The following CIITA variants were observed in gnomAD, a reference collection of about 807,000 sequenced individuals.
The protein encoded by CIITA is MHC class II transactivator.
A neutral mutation model predicts 115.1 loss-of-function variants in CIITA; 72 were observed. The observed-to-expected ratio is 0.63, with a 90% confidence interval of 0.52 to 0.76. CIITA has a LOEUF of 0.76. Ranked by LOEUF, CIITA falls within the 30% of genes least tolerant of loss-of-function variation. The probability of loss-of-function intolerance (pLI) is 0.00; values close to 1 mark genes in which losing one functional copy is unlikely to be tolerated. For missense variants in CIITA, 1,617 were observed against 1,463.8 expected (o/e 1.10, Z -1.71); for synonymous variants, 763 against 635.6 (o/e 1.20, Z -3.02).
chr16:10,918,515 G>C lies in CIITA; in HGVS notation c.3138G>C (p.Leu1046=). 1.2e-6 allele frequency: 2 copies of C among 1,614,080 alleles called. No individual in the cohort carries two copies. Among genetic ancestry groups the C allele is most frequent in the South Asian group, 2.2e-5 (2 of 91,086 alleles). Residue 1046 remains leucine, a synonymous_variant, in exon 16 of 20, where the codon CTG becomes CTC. Transcript: ENST00000324288. The stretch of plus-strand genomic sequence containing the variant: ...CCCTGCCTTCGCTCGCTGCATCCCT[G>C]CTCAGGCTAAGGTGAGTGGGGCCCC... ...AEALPSLAAS[L]LRLSLYNNCI...
At chr16:10,904,204 A>AT (rs2038980963) in intron 9 of CIITA, among the ~76,000 whole-genome samples, 1 of 152,090 alleles carries the variant, frequency 6.6e-6, no homozygotes, top group Non-Finnish European at 1.5e-5. Context: ...AGATATTGTG[A>AT]TTTTTTAATT....
At chr16:10,878,361 G>A (rs1416853677) in intron 1 of CIITA, among the ~76,000 whole-genome samples, 1 of 152,112 alleles carries the variant, frequency 6.6e-6, no homozygotes, top group Non-Finnish European at 1.5e-5. Flanking sequence ...GGAAATTCAG[G>A]CCTGAAAAGG....
At chr16:10,883,432 T>G (rs1288658571) in intron 1 of CIITA, among the ~76,000 whole-genome samples, 2 of 152,210 alleles carry the variant, frequency 1.3e-5, no homozygotes, top group African/African-American at 4.8e-5. Context: ...TTCATTCTCA[T>G]CCTGGGACCA....
At position 10,907,892 on chromosome 16, in the gene CIITA, A is replaced by G. The variant is rs750834114; in HGVS notation, c.2400A>G (p.Thr800=). 1.3e-6 allele frequency: 2 copies of G among 1,592,358 alleles called. No individual in the cohort carries two copies. The highest frequency in any genetic ancestry group is 2.2e-5 in the East Asian group (1 of 44,644). Residue 800 remains threonine, a synonymous_variant, in exon 11 of 20, where the codon ACA becomes ACG. Transcript: ENST00000324288. The surrounding 1 kb of genome is among the most constrained non-coding windows in gnomAD (Gnocchi z 5.0). The part of the protein sequence containing the change: ...ARYLKRLQPG[T]LRARQLLELL... ...ACCTGAAGCGGCTGCAGCCGGGGACACTGCGGGCGCGGCAGCTGCTGGAGC... is the reference window on the plus strand; with the variant it reads ...ACCTGAAGCGGCTGCAGCCGGGGACGCTGCGGGCGCGGCAGCTGCTGGAGC...
At chr16:10,874,113 A>T (rs1264490274), upstream of CIITA, among the ~76,000 whole-genome samples, 2 of 151,990 alleles carry the variant, frequency 1.3e-5, no homozygotes, top group Non-Finnish European at 2.9e-5. Context: ...CCTCCCAAGT[A>T]ACTGGGATTA....
At chr16:10,898,170 T>C (rs895124223) in intron 3 of CIITA, among the ~76,000 whole-genome samples, 1 of 152,190 alleles carries the variant, frequency 6.6e-6, no homozygotes, top group Non-Finnish European at 1.5e-5. Context: ...CTCTGAGCCA[T>C]GTACCCCTTT....
chr16:10,904,711 C>T (rs1170970702), intron 9 of CIITA, 33 bp from the exon 10 acceptor site: 2 of 1,613,794 alleles, frequency 1.2e-6, no homozygotes, highest in African/African-American at 1.3e-5. Flanking sequence ...GTAACCCTCA[C>T]CCTAAATCTG....
In CIITA at chr16:10,902,812, G is replaced by A; in HGVS notation, c.772+11G>A. The A allele has an allele frequency of 6.2e-7, 1 of 1,613,976 alleles. No individual in the cohort carries two copies. Among genetic ancestry groups the A allele is most frequent in the Non-Finnish European group, 8.5e-7 (1 of 1,180,004 alleles). On this transcript the variant is annotated intron_variant, in intron 8 of 19. Transcript: ENST00000324288. ...TATTCATCTACCATGGTGAGTGCGG[G>A]GCCTGGCTCCCCGACCACCTCTCCC...
intron 11 of CIITA, 99 bp from the exon 12 acceptor site, chr16:10,908,930 G>T (rs1344540024): frequency 3.8e-6 from 6 of 1,563,492 alleles, no homozygotes; most frequent in Non-Finnish European, 5.3e-6. Flanking sequence ...GCTAAGGAAA[G>T]AAAGTATTTT....
chr16:10,876,206 G>A (rs1385281264), upstream of CIITA, among the ~76,000 whole-genome samples: 1 of 152,062 alleles, frequency 6.6e-6, no homozygotes, highest in African/African-American at 2.4e-5. Flanking sequence ...GTAGACATAG[G>A]GTGTCACTAT....
intron 15 of CIITA, chr16:10,916,811 A>G: frequency 2.5e-6 from 1 of 403,516 alleles, no homozygotes; most frequent in Admixed American, 4.0e-5. Context: ...CGCTCACTCA[A>G]TCATTTCTTT....
In CIITA at chr16:10,907,617, C is replaced by T. The variant is rs1429011137; in HGVS notation, c.2125C>T (p.Pro709Ser). Residue 709 changes from proline to serine, a missense_variant, in exon 11 of 20, where the codon CCC (proline) becomes TCC (serine). Coordinates refer to ENST00000324288, the MANE Select transcript of CIITA (RefSeq NM_000246.4). The surrounding 1 kb of genome is among the most constrained non-coding windows in gnomAD (Gnocchi z 5.0). Reference protein sequence around the residue: ...PRAAESELAFPSFLLQCFLGA... With the variant: ...PRAAESELAFSSFLLQCFLGA... ...GGCCGCAGAGTCCGAGCTGGCCTTC[C>T]CCAGCTTCCTCCTGCAATGCTTCCT... 5 of 1,614,224 alleles carry T rather than the reference C, an allele frequency of 3.1e-6. No homozygotes were observed. Among genetic ancestry groups the T allele is most frequent in the Middle Eastern group, 1.6e-4 (1 of 6,062 alleles).
chr16:10,890,182 C>T (rs560549869), intron 1 of CIITA, among the ~76,000 whole-genome samples: 20 of 152,112 alleles, frequency 1.3e-4, no homozygotes, highest in South Asian at 6.2e-4. Flanking sequence ...GAGCCAATGA[C>T]GCAGATCTTA....
In CIITA at chr16:10,923,342, T is replaced by TG; in HGVS notation, c.*22+20dup. Reference sequence around the variant, plus strand: ...CTGGACAGGGTAACCAGGGTGGGCTTGGGAGGGGAGAGCCGCAGTGGGTTG... The same window carrying TG: ...CTGGACAGGGTAACCAGGGTGGGCTTGGGGAGGGGAGAGCCGCAGTGGGTTG... On this transcript the variant is annotated intron_variant, in intron 19 of 19. Transcript: ENST00000324288. This position sits in a 1 kb window ranked among gnomAD's most constrained non-coding sequence, Gnocchi z 5.2. The TG allele has an allele frequency of 2.1e-5, 20 of 949,602 alleles. No individual in the cohort carries two copies. Among genetic ancestry groups the TG allele is most frequent in the Non-Finnish European group, 2.7e-5 (16 of 603,122 alleles). 58.8% of individuals were successfully genotyped at this position (949,602 alleles called of 1,614,324 possible).
At chr16:10,871,708 T>A (rs1328083841) in intron 1 of CIITA, among the ~76,000 whole-genome samples, 2 of 152,170 alleles carry the variant, frequency 1.3e-5, no homozygotes, top group Non-Finnish European at 2.9e-5. Context: ...CCTTCTGGGC[T>A]TCCTTTCCTG....
chr16:10,918,345 C>A (rs933884516), intron 15 of CIITA, 95 bp from the exon 16 acceptor site: 3 of 1,086,686 alleles, frequency 2.8e-6, no homozygotes, highest in Non-Finnish European at 4.3e-6. Context: ...CTGTCGACAG[C>A]GCCATTCACA....
Position 10,907,283 on chromosome 16 carries a change from C to A in CIITA, c.1791C>A (p.Leu597=). The A allele has an allele frequency of 1.9e-6, 3 of 1,613,562 alleles. No individual in the cohort carries two copies. The highest frequency in any genetic ancestry group is 2.5e-6 in the Non-Finnish European group (3 of 1,180,012). Residue 597 remains leucine (L), a synonymous_variant, in exon 11 of 20, where the codon CTC becomes CTA. Transcript: ENST00000324288. This position sits in a 1 kb window ranked among gnomAD's most constrained non-coding sequence, Gnocchi z 5.0. ...MTEHQDRALT[L]LRDRPLLLSH... is the part of the protein sequence containing the mutation. ...AGCACCAAGACAGAGCCCTGACGCT[C>A]CTCCGGGACCGGCCACTTCTTCTCA...
Position 10,909,254 on chromosome 16 carries a change from C to A in CIITA, c.2816+67C>A. ...GTTGAGGACATGTAGGACCCATTCT[C>A]AAGTTTGTCATGGGCATTTCCAGTG... On this transcript the variant is annotated intron_variant, in intron 12 of 19. Transcript: ENST00000324288. 4 of 1,551,222 alleles carry A rather than the reference C, an allele frequency of 2.6e-6. No individual in the cohort carries two copies. In the Admixed American group the frequency reaches 6.7e-5, roughly 26 times the overall value.
intron 1 of CIITA, chr16:10,866,373 C>A (rs779560699): frequency 2.1e-5 from 12 of 567,772 alleles, no homozygotes; most frequent in Admixed American, 3.8e-5. Flanking sequence ...CCCTCTTGGA[C>A]AACCTGCTGA....
Sources: allele counts gnomAD v4.1 joint callset (sites outside exome capture counted in the v4.1 genomes callset), GRCh38; gene constraint gnomAD v4.1.1; non-coding constraint Gnocchi (gnomAD v3.1); transcripts MANE v1.5; gene names NCBI Gene and HGNC (gene_info 2026-07-23, HGNC 2026-07-21).